The following RNF11 variants were observed in gnomAD, a reference collection of about 807,000 sequenced individuals.
RNF11 encodes ring finger protein 11.
RNF11 carries 4 observed loss-of-function variants against 15.8 expected under a neutral mutation model. That is an observed-to-expected ratio of 0.25 (90% CI 0.12 to 0.58). The LOEUF is 0.58. Among genes scored for constraint, RNF11 ranks in the 20% least tolerant of loss-of-function variants. The pLI is 0.91. For synonymous variants in RNF11, 68 were observed against 72.3 expected (o/e 0.94, Z 0.30); for missense variants, 139 against 194.4 (o/e 0.71, Z 1.70).
At chr1:51,237,196 G>C (rs1377504116) in intron 1 of RNF11, among the ~76,000 whole-genome samples, 1 of 151,968 alleles carries the variant, frequency 6.6e-6, no homozygotes, top group Non-Finnish European at 1.5e-5. Context: ...CTTTATGTCT[G>C]AATCGTATGA....
At chr1:51,247,963 G>T (rs1253804207) in intron 1 of RNF11, among the ~76,000 whole-genome samples, 1 of 152,056 alleles carries the variant, frequency 6.6e-6, no homozygotes, top group Non-Finnish European at 1.5e-5. Context: ...AATTGACCCA[G>T]TTAGTTAAAG....
At position 51,237,009 on chromosome 1, in the gene RNF11, G is replaced by C; in HGVS notation, c.123+130G>C. 3 of 1,216,024 alleles carry C rather than the reference G, an allele frequency of 2.5e-6. No homozygotes were observed. In the East Asian group the frequency reaches 8.1e-5, roughly 33 times the overall value. 75.3% of individuals were successfully genotyped at this position (1,216,024 alleles called of 1,614,324 possible). ...GGGCGGCATTGACCCCTTAGGGCTG[G>C]ATCTGAGGGCATTTGCTCTCTGATC... On this transcript the variant is annotated intron_variant, in intron 1 of 2. Transcript: ENST00000242719.
At chr1:51,264,305 TATATATATATATACACACACACAC>T (rs1646945327) in intron 1 of RNF11, among the ~76,000 whole-genome samples, 1 of 100,164 alleles carries the variant, frequency 1.0e-5, no homozygotes, top group Non-Finnish European at 1.8e-5. Context: ...TATATATATA[TATATATATATATACACACACACAC>T]ACACACACAC....
At chr1:51,241,862 A>G (rs558540860) in intron 1 of RNF11, among the ~76,000 whole-genome samples, 63 of 152,334 alleles carry the variant, frequency 4.1e-4, no homozygotes, top group African/African-American at 1.5e-3. Flanking sequence ...TGAAAGGCAT[A>G]TGTAAAACAG....
intron 1 of RNF11, among the ~76,000 whole-genome samples, chr1:51,240,063 A>G (rs1410428613): frequency 6.6e-6 from 1 of 152,182 alleles, no homozygotes; most frequent in African/African-American, 2.4e-5. Flanking sequence ...CCTGTCCTCA[A>G]TACAACAGCC....
chr1:51,262,934 T>C (rs1159625488), intron 1 of RNF11, among the ~76,000 whole-genome samples: 2 of 152,110 alleles, frequency 1.3e-5, no homozygotes. Context: ...CAATGAGATA[T>C]CACATCTTAT....
At chr1:51,259,185 T>G (rs748915658) in intron 1 of RNF11, among the ~76,000 whole-genome samples, 7 of 152,188 alleles carry the variant, frequency 4.6e-5, no homozygotes, top group Non-Finnish European at 8.8e-5. Flanking sequence ...AGGGTGCCAC[T>G]GGCATCTAGT....
chr1:51,262,608 C>T (rs2148072820), intron 1 of RNF11, among the ~76,000 whole-genome samples: 1 of 151,984 alleles, frequency 6.6e-6, no homozygotes, highest in East Asian at 1.9e-4. Flanking sequence ...AGTGCAGCAG[C>T]ACAATCTTGG....
At chr1:51,247,402 T>G (rs1014398620) in intron 1 of RNF11, among the ~76,000 whole-genome samples, 4 of 152,102 alleles carry the variant, frequency 2.6e-5, no homozygotes, top group African/African-American at 9.7e-5. Flanking sequence ...GTTTTTTGGT[T>G]TTCAATTAGG....
intron 1 of RNF11, among the ~76,000 whole-genome samples, chr1:51,264,341 T>C (rs1268826907): frequency 4.0e-5 from 5 of 126,454 alleles, no homozygotes; most frequent in African/African-American, 1.5e-4. Flanking sequence ...CACACACACA[T>C]TTATCAGGAA....
rs1197760992 is a variant in RNF11 at position 51,271,417 on chromosome 1, A to G, written c.*95A>G. On this transcript the variant is annotated 3_prime_UTR_variant, in exon 3 of 3. Transcript: ENST00000242719. ...AAAGAGCCAGGGATTAGGAATTAAG[A>G]TCGTGCACAAAAGTTTCCTTAAAAT... 2 of 1,037,082 alleles carry G rather than the reference A, an allele frequency of 1.9e-6. No individual in the cohort carries two copies. Among genetic ancestry groups the G allele is most frequent in the Non-Finnish European group, 2.7e-6 (2 of 740,466 alleles). The allele number at this position is 1,037,082 out of a possible 1,614,324, so 64.2% of individuals were successfully genotyped here.
chr1:51,263,280 C>T (rs1369679596), intron 1 of RNF11, among the ~76,000 whole-genome samples: 2 of 152,134 alleles, frequency 1.3e-5, no homozygotes, highest in African/African-American at 4.8e-5. Flanking sequence ...CCATCAGTGA[C>T]TAAACAAAAT....
intron 1 of RNF11, among the ~76,000 whole-genome samples, chr1:51,249,464 A>G (rs1646867279): frequency 1.3e-5 from 2 of 152,130 alleles, no homozygotes; most frequent in African/African-American, 4.8e-5. Flanking sequence ...TCTGTTTCCA[A>G]GCCCCCAAAA....
intron 1 of RNF11, among the ~76,000 whole-genome samples, chr1:51,263,512 CTT>C (rs1332724717): frequency 1.3e-5 from 2 of 152,254 alleles, no homozygotes; most frequent in East Asian, 3.9e-4. Flanking sequence ...TGAAACAATT[CTT>C]TTGGCACCAT....
In RNF11 at chr1:51,236,565, G is replaced by A. The variant is rs1646803720; in HGVS notation, c.-192G>A. On this transcript the variant is annotated 5_prime_UTR_variant, in exon 1 of 3. Transcript: ENST00000242719. ...CGACCCCAGCGGAGCCCGCGGCCCA[G>A]CCTTGATCCCCCAACCCCGGGGGCT... 1 of 319,574 alleles carries A rather than the reference G, an allele frequency of 3.1e-6. No individual in the cohort carries two copies. The highest frequency in any genetic ancestry group is 5.1e-6 in the Non-Finnish European group (1 of 196,486). The allele number at this position is 319,574 out of a possible 1,614,324, so 19.8% of individuals were successfully genotyped here. A position where few individuals can be genotyped will look rare whatever the true frequency, so the allele number is the denominator to read the frequency against.
chr1:51,269,056 C>T (rs2148075197), intron 1 of RNF11, among the ~76,000 whole-genome samples: 1 of 152,342 alleles, frequency 6.6e-6, no homozygotes, highest in East Asian at 1.9e-4. Flanking sequence ...TTGGTCCAAG[C>T]AATCACAGTA....
chr1:51,260,792 C>T (rs142030570), intron 1 of RNF11, among the ~76,000 whole-genome samples: 14 of 152,256 alleles, frequency 9.2e-5, no homozygotes, highest in African/African-American at 2.9e-4. Context: ...TACTCAAGCT[C>T]ATCACAGTAT....
At chr1:51,255,405 G>A (rs1389635384) in intron 1 of RNF11, among the ~76,000 whole-genome samples, 1 of 152,166 alleles carries the variant, frequency 6.6e-6, no homozygotes, top group East Asian at 1.9e-4. Context: ...GACTAGAGGT[G>A]CATGCCACCA....
At chr1:51,236,949 C>T in intron 1 of RNF11, 70 bp downstream of exon 1, 2 of 1,523,112 alleles carry the variant, frequency 1.3e-6, no homozygotes, top group Non-Finnish European at 8.8e-7. Flanking sequence ...GGCTTCGGGG[C>T]CGTCTCTGCC....
Sources: gnomAD v4.1 joint callset for allele counts (sites outside exome capture counted in the v4.1 genomes callset) on GRCh38, gnomAD v4.1.1 for gene constraint, MANE v1.5 for transcripts, NCBI Gene and HGNC (gene_info 2026-07-23, HGNC 2026-07-21) for gene names.